The following SEPHS1 variants were observed in gnomAD, a reference collection of about 807,000 sequenced individuals.
SEPHS1 encodes the protein selenophosphate synthetase 1.
Under a neutral mutation model 39.2 loss-of-function variants are expected in SEPHS1, and 7 were observed. That is an observed-to-expected ratio of 0.18 (90% CI 0.10 to 0.34). The LOEUF is 0.34. Among genes scored for constraint, SEPHS1 ranks in the 10% least tolerant of loss-of-function variants. SEPHS1 has a pLI of 1.00. For missense variants in SEPHS1, 253 were observed against 514.5 expected, an observed-to-expected ratio of 0.49 and a Z score of 4.92; for synonymous variants, 190 against 195.5, an observed-to-expected ratio of 0.97 and a Z score of 0.23.
chr10:13,342,810 A>C (rs1416147304), intron 2 of SEPHS1, among the ~76,000 whole-genome samples: 1 of 150,912 alleles, frequency 6.6e-6, no homozygotes, highest in Non-Finnish European at 1.5e-5. Flanking sequence ...ACCTCAGCTC[A>C]CTGTAGCCTC....
chr10:13,320,857 A>C (rs1383848030), intron 8 of SEPHS1, among the ~76,000 whole-genome samples: 1 of 152,156 alleles, frequency 6.6e-6, no homozygotes, highest in Non-Finnish European at 1.5e-5. Context: ...TTTCTGAAGA[A>C]AGGAAACAAA....
At chr10:13,319,728 C>T (rs1018915782) in intron 8 of SEPHS1, among the ~76,000 whole-genome samples, 2 of 152,196 alleles carry the variant, frequency 1.3e-5, no homozygotes, top group Non-Finnish European at 2.9e-5. Flanking sequence ...AATCCACCTG[C>T]CTTGGCCTCC....
chr10:13,335,796 G>A lies in SEPHS1; in HGVS notation c.405+447C>T, dbSNP rs372959770. Among the ~76,000 whole-genome samples the A allele has an allele frequency of 2.7e-3, 403 of 151,642 alleles. 3 individuals carry two copies. Among genetic ancestry groups the A allele is most frequent in the African/African-American group, 9.3e-3 (385 of 41,334 alleles). ...GGAGTTCAGGAACAGCCTGGCCAAC[G>A]TGATAAAACCCCGTCTCTAATAAAA... On this transcript the variant is annotated intron_variant, in intron 4 of 8. Transcript: ENST00000327347.
chr10:13,323,170 C>A, intron 7 of SEPHS1, 123 bp from the exon 8 acceptor site: 1 of 793,810 alleles, frequency 1.3e-6, no homozygotes, highest in South Asian at 1.7e-5. Context: ...ATAATGAAAA[C>A]GCAATGTAAA....
intron 3 of SEPHS1, 90 bp from the exon 4 acceptor site, chr10:13,336,440 C>T (rs762427620): frequency 1.4e-5 from 13 of 949,448 alleles, no homozygotes; most frequent in East Asian, 5.1e-5. Flanking sequence ...CCACAGAGAA[C>T]GTGGAGACTT....
chr10:13,324,620 G>GTT (rs749639323), intron 7 of SEPHS1, among the ~76,000 whole-genome samples: 2 of 151,798 alleles, frequency 1.3e-5, no homozygotes, highest in East Asian at 3.9e-4. Flanking sequence ...GTGTTTTTGG[G>GTT]TTTTTTTTGA....
intron 7 of SEPHS1, among the ~76,000 whole-genome samples, chr10:13,326,293 G>A (rs1265803095): frequency 6.6e-6 from 1 of 152,044 alleles, no homozygotes; most frequent in Non-Finnish European, 1.5e-5. Context: ...GGCCAACATG[G>A]TGAAAACCCA....
intron 8 of SEPHS1, among the ~76,000 whole-genome samples, chr10:13,321,767 C>T (rs1406977381): frequency 6.6e-6 from 1 of 152,180 alleles, no homozygotes; most frequent in Non-Finnish European, 1.5e-5. Context: ...TGAGCGATGG[C>T]GAGCCTGTAG....
rs374711213 is a variant in SEPHS1 at position 13,342,054 on chromosome 10, C to T, written c.193+2704G>A. Among the ~76,000 whole-genome samples the T allele has an allele frequency of 3.6e-4, 52 of 146,418 alleles. No individual in the cohort carries two copies. The East Asian group carries it at 4.7e-3, about 13-fold the overall frequency. Reference sequence around the variant, plus strand: ...CAGCACTTTGGGAGGCCGAGGCAGGCGGATCACGAGGTCAGGAGATCGAGA... The same window carrying T: ...CAGCACTTTGGGAGGCCGAGGCAGGTGGATCACGAGGTCAGGAGATCGAGA... On this transcript the variant is annotated intron_variant, in intron 2 of 8. Transcript: ENST00000327347.
intron 7 of SEPHS1, 58 bp from the exon 8 acceptor site, chr10:13,323,105 T>G: frequency 7.2e-7 from 1 of 1,390,352 alleles, no homozygotes; most frequent in South Asian, 1.2e-5. Flanking sequence ...TCAAAAATCT[T>G]ACGTCCACAA....
chr10:13,323,753 T>C (rs1833180135), intron 7 of SEPHS1, among the ~76,000 whole-genome samples: 1 of 151,684 alleles, frequency 6.6e-6, no homozygotes, highest in South Asian at 2.1e-4. Flanking sequence ...CTTTTTTTTT[T>C]TTTTAAGAGA....
chr10:13,339,451 G>A (rs940003014), intron 2 of SEPHS1, among the ~76,000 whole-genome samples: 2 of 151,974 alleles, frequency 1.3e-5, no homozygotes, highest in Non-Finnish European at 2.9e-5. Context: ...GTCAAGATAC[G>A]CTACTCCTTG....
chr10:13,327,729 TAGCAGTCGCCCCAGTGTGAAAC>T (rs926444068), intron 7 of SEPHS1, among the ~76,000 whole-genome samples: 13 of 152,118 alleles, frequency 8.5e-5, no homozygotes, highest in African/African-American at 3.1e-4. Context: ...AGGAAGTCCA[TAGCAGTCGCCCCAGTGTGAAAC>T]AGGAGAGCAG....
intron 2 of SEPHS1, 110 bp from the exon 3 acceptor site, chr10:13,338,918 C>T: frequency 3.8e-6 from 3 of 799,984 alleles, no homozygotes; most frequent in Non-Finnish European, 2.2e-6. Flanking sequence ...ATGGAAACTG[C>T]AGGCTGCCAA....
chr10:13,333,731 C>T, intron 5 of SEPHS1, 86 bp downstream of exon 5: 1 of 1,400,188 alleles, frequency 7.1e-7, no homozygotes, highest in Non-Finnish European at 9.9e-7. Flanking sequence ...TGAGCCACTG[C>T]ACCTGACCTT....
intron 2 of SEPHS1, among the ~76,000 whole-genome samples, chr10:13,339,919 G>A (rs1379587788): frequency 5.9e-5 from 9 of 152,128 alleles, no homozygotes; most frequent in Admixed American, 3.3e-4. Context: ...AATCCCCCAC[G>A]AGGATTCTGC....
intron 3 of SEPHS1, among the ~76,000 whole-genome samples, chr10:13,338,431 A>G (rs763216193): frequency 5.3e-5 from 8 of 152,164 alleles, no homozygotes; most frequent in Non-Finnish European, 1.2e-4. Flanking sequence ...GCTACTAAAC[A>G]AGAGGTGTTC....
intron 1 of SEPHS1, 179 bp from the exon 2 acceptor site, chr10:13,345,207 G>A (rs1224392121): frequency 9.4e-6 from 3 of 318,062 alleles, no homozygotes; most frequent in South Asian, 2.8e-4. Flanking sequence ...ACGGGACTGC[G>A]TCAGCACAGA....
At position 13,321,334 on chromosome 10, in the gene SEPHS1, C is replaced by G. The variant is rs185485806; in HGVS notation, c.964+1501G>C. Among the ~76,000 whole-genome samples the G allele has an allele frequency of 2.2e-3, 336 of 152,028 alleles. 1 individual carries two copies. The highest frequency in any genetic ancestry group is 3.7e-3 in the Admixed American group (56 of 15,276). On this transcript the variant is annotated intron_variant, in intron 8 of 8. Transcript: ENST00000327347. Reference sequence around the variant, plus strand: ...CGATCTTGGCTCACTGCAACCTGTGCCTCCTGGGTTCAAGCGATTCTCCTG... The same window carrying G: ...CGATCTTGGCTCACTGCAACCTGTGGCTCCTGGGTTCAAGCGATTCTCCTG...
Sources: allele counts gnomAD v4.1 joint callset (sites outside exome capture counted in the v4.1 genomes callset), GRCh38; gene constraint gnomAD v4.1.1; transcripts MANE v1.5; gene names NCBI Gene and HGNC (gene_info 2026-07-23, HGNC 2026-07-21).